Variants in FYCO1 observed in about 807,000 individuals in gnomAD.
FYCO1 encodes FYVE and coiled-coil domain autophagy adaptor 1, also known as FYVE and coiled-coil domain-containing protein 1.
Under a neutral mutation model 165.1 loss-of-function variants are expected in FYCO1, and 122 were observed. The observed-to-expected ratio is 0.74, with a 90% CI of 0.64 to 0.86. The LOEUF (loss-of-function observed/expected upper bound fraction) is 0.86. Ranked by LOEUF, FYCO1 falls within the 40% of genes least tolerant of loss-of-function variation. The pLI, the probability that FYCO1 is intolerant of heterozygous loss-of-function variation, is 0.00. For synonymous variants in FYCO1, 648 were observed against 742.5 expected, an observed-to-expected ratio of 0.87 and a Z score of 2.07; for missense variants, 1,702 against 1,810.3, an observed-to-expected ratio of 0.94 and a Z score of 1.09.
At chr3:45,924,433 G>A (rs1182881825) in intron 16 of FYCO1, among the ~76,000 whole-genome samples, 1 of 152,104 alleles carries the variant, frequency 6.6e-6, no homozygotes, top group Non-Finnish European at 1.5e-5. Flanking sequence ...CTCACTGTCA[G>A]AGACAAAATC....
intron 14 of FYCO1, chr3:45,938,069 T>A (rs1286531926): frequency 6.8e-6 from 3 of 438,430 alleles, no homozygotes; most frequent in Non-Finnish European, 1.3e-5. Flanking sequence ...AGAGAGACAC[T>A]GAAAGCTGTA....
chr3:45,995,340 A>G (rs1199565586), intron 1 of FYCO1, among the ~76,000 whole-genome samples: 1 of 152,240 alleles, frequency 6.6e-6, no homozygotes, highest in Non-Finnish European at 1.5e-5. Context: ...AACTTCCTAA[A>G]GACCACGCAG....
At chr3:45,979,935 G>A in intron 3 of FYCO1, 105 bp from the exon 4 acceptor site, 2 of 1,371,192 alleles carry the variant, frequency 1.5e-6, no homozygotes, top group Non-Finnish European at 1.0e-6. Flanking sequence ...CCAGCACTGG[G>A]TGAGGCCCTT....
At chr3:45,926,295 G>A (rs550889151) in intron 16 of FYCO1, among the ~76,000 whole-genome samples, 2 of 150,114 alleles carry the variant, frequency 1.3e-5, no homozygotes, top group East Asian at 3.9e-4. Context: ...GACACAAATA[G>A]GTTAAAAGTA....
chr3:45,966,556 C>T lies in FYCO1; in HGVS notation c.2778G>A (p.Leu926=), dbSNP rs372918799. The T allele has an allele frequency of 4.3e-6, 7 of 1,614,086 alleles. No individual in the cohort carries two copies. Among genetic ancestry groups the T allele is most frequent in the South Asian group, 1.1e-5 (1 of 91,092 alleles). ...TVEKERVEEA[L]ACAVQELQDA... ...CCTGGAGCTCCTGGACAGCACAGGC[C>T]AGTGCCTCCTCCACTCGCTCCTTTT... Residue 926 remains leucine (L), a synonymous_variant, in exon 8 of 18, where the codon CTG becomes CTA. Transcript: ENST00000296137.
chr3:45,930,224 G>T (rs1405962601), intron 16 of FYCO1, among the ~76,000 whole-genome samples: 1 of 152,162 alleles, frequency 6.6e-6, no homozygotes, highest in Non-Finnish European at 1.5e-5. Flanking sequence ...GATTCAAATG[G>T]AACTTGTGTT....
chr3:45,983,849 A>G lies in FYCO1; in HGVS notation c.55+1007T>C, dbSNP rs150908243. Among the ~76,000 whole-genome samples the G allele has an allele frequency of 2.9e-3, 439 of 152,374 alleles. 3 individuals are homozygous for G. The highest frequency in any genetic ancestry group is 9.8e-3 in the African/African-American group (406 of 41,594). ...TGCCCGGTGCACATGAAATGCCATG[A>G]AATTGTTAGCTATCAGAGGCCCAAG... On this transcript the variant is annotated intron_variant, in intron 2 of 17. Coordinates refer to ENST00000296137, the MANE Select transcript of FYCO1 (RefSeq NM_024513.4).
intron 11 of FYCO1, among the ~76,000 whole-genome samples, chr3:45,960,047 C>T (rs1208008860): frequency 2.0e-5 from 3 of 152,138 alleles, no homozygotes; most frequent in Non-Finnish European, 2.9e-5. Flanking sequence ...ATGTTAGCCT[C>T]CTCTGCCCCT....
chr3:45,946,642 T>A (rs1371785508), intron 14 of FYCO1: 1 of 1,614,226 alleles, frequency 6.2e-7, no homozygotes, highest in Non-Finnish European at 8.5e-7. Flanking sequence ...CTGGTGCTGG[T>A]CATATCCATC....
chr3:45,921,663 G>A lies in FYCO1; in HGVS notation c.*102C>T, dbSNP rs767909326. ...TGAGGGGCAGCCCAGGGGCTGAGTT[G>A]ATGATTTTGGAGCAGCTGACTTTTT... On this transcript the variant is annotated 3_prime_UTR_variant, in exon 18 of 18. Transcript: ENST00000296137. The A allele has an allele frequency of 1.1e-4, 88 of 834,662 alleles. No homozygotes were observed. Among genetic ancestry groups the A allele is most frequent in the Non-Finnish European group, 1.8e-4 (85 of 484,474 alleles). The allele number at this position is 834,662 out of a possible 1,614,324, so 51.7% of individuals were successfully genotyped here.
chr3:45,994,264 G>A (rs1054415348), intron 1 of FYCO1, among the ~76,000 whole-genome samples: 1 of 151,448 alleles, frequency 6.6e-6, no homozygotes, highest in South Asian at 2.1e-4. Flanking sequence ...TTGAGTATAC[G>A]GATATTCACC....
intron 13 of FYCO1, among the ~76,000 whole-genome samples, chr3:45,958,042 A>G (rs138435044): frequency 1.3e-3 from 200 of 152,310 alleles, no homozygotes; most frequent in African/African-American, 4.3e-3. Context: ...AGACTGAAGG[A>G]TATGGATGGT....
chr3:45,925,278 T>C (rs1166423949), intron 16 of FYCO1, among the ~76,000 whole-genome samples: 1 of 151,934 alleles, frequency 6.6e-6, no homozygotes, highest in Non-Finnish European at 1.5e-5. Flanking sequence ...GAGGATCTTG[T>C]CTTATAAAGT....
At chr3:45,937,307 CT>C (rs1230995255) in intron 14 of FYCO1, among the ~76,000 whole-genome samples, 1 of 152,228 alleles carries the variant, frequency 6.6e-6, no homozygotes, top group Non-Finnish European at 1.5e-5. Flanking sequence ...TGCAGTGTGG[CT>C]TCTTTCTAAA....
chr3:45,984,772 G>C (rs912074881), intron 2 of FYCO1, 84 bp downstream of exon 2: 57 of 1,386,806 alleles, frequency 4.1e-5, no homozygotes, highest in Non-Finnish European at 5.6e-5. Flanking sequence ...AAAATGAAAG[G>C]GTTGAATTTC....
chr3:45,991,394 G>T (rs373348361), intron 1 of FYCO1, among the ~76,000 whole-genome samples: 4 of 152,294 alleles, frequency 2.6e-5, no homozygotes, highest in African/African-American at 9.6e-5. Context: ...AACCCAGCTT[G>T]TGAGGCCCTT....
In FYCO1 at chr3:45,965,073, C is replaced by T. The variant is rs202200038; in HGVS notation, c.3110G>A (p.Arg1037Gln). The change falls in exon 9 of 18, where the codon CGG becomes CAG. Residue 1037 changes from arginine (R) to glutamine (Q), a missense_variant. Transcript: ENST00000296137. ...AGCTTCCTCAGCAGCCTGCAGCTGC[C>T]GGCCTTGCTCCTCAAGCTGGCCCCT... is the stretch of plus-strand genomic sequence containing the variant. ...SLRGQLEEQG[R>Q]QLQAAEEAVE... 102 of 1,614,140 alleles carry T rather than the reference C, an allele frequency of 6.3e-5. No homozygotes were observed. Among genetic ancestry groups the T allele is most frequent in the South Asian group, 1.8e-4 (16 of 91,082 alleles).
intron 1 of FYCO1, among the ~76,000 whole-genome samples, chr3:45,988,399 A>G (rs778475215): frequency 2.3e-4 from 35 of 152,196 alleles, no homozygotes; most frequent in Non-Finnish European, 4.7e-4. Context: ...CATTGAGGGA[A>G]TCACAGACTC....
At chr3:45,956,253 A>G (rs1376197794) in intron 13 of FYCO1, among the ~76,000 whole-genome samples, 1 of 152,048 alleles carries the variant, frequency 6.6e-6, no homozygotes, top group African/African-American at 2.4e-5. Context: ...CGAGAATCAC[A>G]TGAACCCAGG....
Sources: allele counts gnomAD v4.1 joint callset (sites outside exome capture counted in the v4.1 genomes callset), GRCh38; gene constraint gnomAD v4.1.1; transcripts MANE v1.5; gene names NCBI Gene and HGNC (gene_info 2026-07-23, HGNC 2026-07-21).